The following PKMYT1 variants were observed in gnomAD, a reference collection of about 807,000 sequenced individuals.
The protein encoded by PKMYT1 is membrane-associated tyrosine- and threonine-specific cdc2-inhibitory kinase.
PKMYT1 carries 35 observed loss-of-function variants against 49.7 expected under a neutral mutation model. That is an observed-to-expected ratio of 0.70 (90% CI 0.54 to 0.93). The LOEUF is 0.93. Among genes scored for constraint, PKMYT1 ranks in the 40% least tolerant of loss-of-function variants. The pLI is 0.00. For synonymous variants in PKMYT1, 331 were observed against 287.6 expected (o/e 1.15, Z -1.53); for missense variants, 677 against 673.1 (o/e 1.01, Z -0.06).
intron 3 of PKMYT1, chr16:2,976,039 T>C (rs1350351726): frequency 1.8e-6 from 1 of 543,980 alleles, no homozygotes; most frequent in Admixed American, 3.4e-5. Flanking sequence ...AGGGCCGACC[T>C]GCACTGACCC....
intron 2 of PKMYT1, chr16:2,977,618 C>T: frequency 2.3e-6 from 1 of 434,158 alleles, no homozygotes; most frequent in Non-Finnish European, 3.1e-6. Flanking sequence ...GGGCATGGTG[C>T]CCAGGGCACA....
chr16:2,976,600 A>C (rs2072200148), intron 3 of PKMYT1, 64 bp downstream of exon 3: 7 of 1,406,940 alleles, frequency 5.0e-6, no homozygotes, highest in African/African-American at 1.4e-5. Flanking sequence ...CTGTCCTGCC[A>C]AGGGAGGTGC....
chr16:2,973,867 T>C, intron 7 of PKMYT1, 133 bp downstream of exon 7: 2 of 1,009,636 alleles, frequency 2.0e-6, no homozygotes, highest in Non-Finnish European at 2.9e-6. Flanking sequence ...ACCCCCAGTC[T>C]TGGTCCCCTT....
chr16:2,976,552 G>C, intron 3 of PKMYT1, 112 bp downstream of exon 3: 2 of 1,076,718 alleles, frequency 1.9e-6, no homozygotes, highest in East Asian at 2.9e-5. Context: ...GCAGGGACAG[G>C]CTGTAGGGAA....
chr16:2,979,398 C>T lies in PKMYT1; in HGVS notation c.10+250G>A, dbSNP rs1405621476. The T allele has an allele frequency of 1.3e-5, 7 of 532,082 alleles. No homozygotes were observed. The East Asian group carries it at 2.1e-4, about 16-fold the overall frequency. 33.0% of individuals were successfully genotyped at this position (532,082 alleles called of 1,614,324 possible). On this transcript the variant is annotated intron_variant, in intron 2 of 8. Transcript: ENST00000262300. ...GCAGTCTCCAGTACCTGAGGGAGTA[C>T]AGGGGTGAGGGGAGCGATGCTACCT...
Position 2,977,025 on chromosome 16 carries a change from G to A in PKMYT1, c.17C>T (p.Pro6Leu). The A allele has an allele frequency of 6.3e-7, 1 of 1,587,780 alleles. No homozygotes were observed. The highest frequency in any genetic ancestry group is 8.5e-7 in the Non-Finnish European group (1 of 1,173,104). MLERP[P>L]ALAMPMPTEG... ...CGTGGGCATGGGCATGGCCAGTGCA[G>A]GAGGCCCTGGGGGCAGAGACAGAGG... The change falls in exon 3 of 9, where the codon CCT (proline) becomes CTT (leucine). Residue 6 changes from proline to leucine, a missense_variant. Physicochemically the swap from Pro to Leu is moderately conservative, Grantham distance 98. Transcript: ENST00000262300.
rs2072137250 is a variant in PKMYT1 at position 2,974,764 on chromosome 16, C to T, written c.873-108G>A. 7 of 707,742 alleles carry T rather than the reference C, an allele frequency of 9.9e-6. No individual in the cohort carries two copies. In the South Asian group the frequency reaches 1.2e-4, roughly 12 times the overall value. The allele number at this position is 707,742 out of a possible 1,614,324, so 43.8% of individuals were successfully genotyped here. On this transcript the variant is annotated intron_variant, in intron 4 of 8. Coordinates refer to ENST00000262300, the MANE Select transcript of PKMYT1 (RefSeq NM_004203.5). Reference sequence around the variant, plus strand: ...GGTGGGAGAGGGCTGCTGTCTTCATCAGTCAGGGAGGGGCGGAAGCAGGGG... The same window carrying T: ...GGTGGGAGAGGGCTGCTGTCTTCATTAGTCAGGGAGGGGCGGAAGCAGGGG...
chr16:2,974,195 C>T (rs776747560), intron 6 of PKMYT1, 38 bp from the exon 7 acceptor site: 1 of 1,565,172 alleles, frequency 6.4e-7, no homozygotes, highest in Non-Finnish European at 8.7e-7. Flanking sequence ...GGTGGGCGGA[C>T]CCCCGGGGCT....
intron 1 of PKMYT1, 124 bp downstream of exon 1, chr16:2,980,162 C>T: frequency 5.6e-6 from 1 of 177,272 alleles, no homozygotes; most frequent in Non-Finnish European, 1.2e-5. Context: ...CGGGGGCGGG[C>T]CTGAGGGGAC....
At chr16:2,974,982 C>T (rs1163681482) in intron 4 of PKMYT1, among the ~76,000 whole-genome samples, 1 of 152,332 alleles carries the variant, frequency 6.6e-6, no homozygotes, top group Non-Finnish European at 1.5e-5. Flanking sequence ...CAGTGTGGAC[C>T]CTGGAACCCA....
In PKMYT1 at chr16:2,979,736, C is replaced by T; in HGVS notation, c.-79G>A. On this transcript the variant is annotated 5_prime_UTR_variant, in exon 2 of 9. Transcript: ENST00000262300. ...GCTCCCACGTGAATCCAGGGTGTCC[C>T]TGAGCTAAGGCCAGGCGGGGGTGAC... 6.2e-7 allele frequency: 1 copy of T among 1,603,480 alleles called. No homozygotes were observed. The highest frequency in any genetic ancestry group is 8.5e-7 in the Non-Finnish European group (1 of 1,172,958).
At chr16:2,977,488 C>T in intron 2 of PKMYT1, 1 of 995,020 alleles carries the variant, frequency 1.0e-6, no homozygotes, top group Non-Finnish European at 1.2e-6. Context: ...ACTGTCGTGC[C>T]AAAACCCAGT....
intron 7 of PKMYT1, 120 bp from the exon 8 acceptor site, chr16:2,973,335 C>A: frequency 6.5e-7 from 1 of 1,542,918 alleles, no homozygotes; most frequent in South Asian, 1.2e-5. Flanking sequence ...GAGCCACAGT[C>A]AGGGACAATA....
In PKMYT1 at chr16:2,976,766, CAG is replaced by C. The variant is rs1332719865; in HGVS notation, c.274_275del (p.Leu92AlafsTer6). ...VSFRGEASET[L>X]QSPGYDPSRP... ...GGCTTGGGTCATACCCAGGGCTCTG[CAG>C]AGTCTCTGAGGCCTCGCCCCGGAAT... On this transcript the variant is annotated frameshift_variant, in exon 3 of 9. Transcript: ENST00000262300. LOFTEE classifies it high-confidence loss of function. 2.5e-6 allele frequency: 4 copies of C among 1,573,234 alleles called. No individual in the cohort carries two copies. Among genetic ancestry groups the C allele is most frequent in the Non-Finnish European group, 3.5e-6 (4 of 1,156,832 alleles).
Position 2,975,672 on chromosome 16 carries a change from C to G in PKMYT1, c.519G>C (p.Leu173=). Residue 173 remains leucine (L), a synonymous_variant, in exon 4 of 9, where the codon CTG becomes CTC. Transcript: ENST00000262300. Reference sequence around the variant, plus strand: ...TGCCGCCCTCCTCCCAGGCCTGCTCCAGCCGCACGCAGCATGGGTGCTGCC... The same window carrying G: ...TGCCGCCCTCCTCCCAGGCCTGCTCGAGCCGCACGCAGCATGGGTGCTGCC... ...KVGQHPCCVR[L]EQAWEEGGIL... 1 of 1,610,614 alleles carries G rather than the reference C, an allele frequency of 6.2e-7. No individual in the cohort carries two copies. Among genetic ancestry groups the G allele is most frequent in the Non-Finnish European group, 8.5e-7 (1 of 1,179,854 alleles).
In PKMYT1 at chr16:2,977,009, G is replaced by A; in HGVS notation, c.33C>T (p.Pro11=). 1 of 1,581,896 alleles carries A rather than the reference G, an allele frequency of 6.3e-7. No individual in the cohort carries two copies. The change falls in exon 3 of 9, where the codon CCC becomes CCT. Residue 11 remains proline (P), a synonymous_variant. Coordinates refer to ENST00000262300, the MANE Select transcript of PKMYT1 (RefSeq NM_004203.5). ...GTGGCGGGGTGCCCTCCGTGGGCAT[G>A]GGCATGGCCAGTGCAGGAGGCCCTG... The part of the protein sequence containing the change: MLERPPALAM[P]MPTEGTPPPL...
rs556353626 is a variant in PKMYT1, at chr16:2,980,424, G to T, written c.-394C>A. 1 of 152,394 alleles carries T rather than the reference G, an allele frequency of 6.6e-6. No individual in the cohort carries two copies. Among genetic ancestry groups the T allele is most frequent in the East Asian group, 1.9e-4 (1 of 5,182 alleles). 9.4% of individuals were successfully genotyped at this position (152,394 alleles called of 1,614,324 possible). A position where few individuals can be genotyped will look rare whatever the true frequency, so the allele number is the denominator to read the frequency against. ...ACGCCCGGGCGGAGGACTCCCGTGAGGGGGAACGGCCCGTGAACGCGCGCG... is the reference window on the plus strand; with the variant it reads ...ACGCCCGGGCGGAGGACTCCCGTGATGGGGAACGGCCCGTGAACGCGCGCG... On this transcript the variant is annotated 5_prime_UTR_variant, in exon 1 of 9. Transcript: ENST00000262300.
chr16:2,975,198 T>G, intron 4 of PKMYT1, 121 bp downstream of exon 4: 3 of 1,233,804 alleles, frequency 2.4e-6, no homozygotes, highest in Non-Finnish European at 3.3e-6. Flanking sequence ...CGTCTCAGCC[T>G]TGTGGCTCTG....
At chr16:2,977,243 T>A in intron 2 of PKMYT1, 1 of 1,395,138 alleles carries the variant, frequency 7.2e-7, no homozygotes, top group Non-Finnish European at 9.3e-7. Context: ...ATTTTAGAGA[T>A]GATAGAAACA....
Sources: allele counts gnomAD v4.1 joint callset (sites outside exome capture counted in the v4.1 genomes callset), GRCh38; gene constraint gnomAD v4.1.1; transcripts MANE v1.5; gene names NCBI Gene and HGNC (gene_info 2026-07-23, HGNC 2026-07-21).